DOK5: variants seen among roughly 807,000 people sequenced by gnomAD.
DOK5 encodes downstream of tyrosine kinase 5.
DOK5 carries 27 observed loss-of-function variants against 43.3 expected under a neutral mutation model. That is an observed-to-expected ratio of 0.62 (90% CI 0.46 to 0.86). DOK5 has a LOEUF of 0.86. Among genes scored for constraint, DOK5 ranks in the 40% least tolerant of loss-of-function variants. The pLI, the probability that DOK5 is intolerant of heterozygous loss-of-function variation, is 0.00. For missense variants in DOK5, 373 were observed against 392.9 expected, an observed-to-expected ratio of 0.95 and a Z score of 0.43; for synonymous variants, 146 against 140.1, an observed-to-expected ratio of 1.04 and a Z score of -0.30.
intron 1 of DOK5, among the ~76,000 whole-genome samples, chr20:54,484,283 G>A (rs1981838817): frequency 6.6e-6 from 1 of 151,958 alleles, no homozygotes; most frequent in Non-Finnish European, 1.5e-5. Context: ...GGGGGCCGAG[G>A]CAGGAGAATC....
chr20:54,621,705 C>T (rs1336421176), intron 6 of DOK5, among the ~76,000 whole-genome samples: 4 of 151,300 alleles, frequency 2.6e-5, no homozygotes, highest in Non-Finnish European at 5.9e-5. Flanking sequence ...AAAAAAATCA[C>T]GATTAAAGAT....
intron 1 of DOK5, among the ~76,000 whole-genome samples, chr20:54,486,970 T>A (rs1454686178): frequency 6.6e-6 from 1 of 152,176 alleles, no homozygotes; most frequent in Non-Finnish European, 1.5e-5. Flanking sequence ...AAGGTTGCAT[T>A]CTATCTTCCT....
At chr20:54,529,204 G>A (rs1401523419) in intron 1 of DOK5, among the ~76,000 whole-genome samples, 1 of 152,166 alleles carries the variant, frequency 6.6e-6, no homozygotes, top group Non-Finnish European at 1.5e-5. Flanking sequence ...GGGTGTTAAG[G>A]AAGATAGACA....
intron 5 of DOK5, among the ~76,000 whole-genome samples, chr20:54,605,050 T>TAC (rs1188475504): frequency 7.5e-6 from 1 of 133,226 alleles, no homozygotes; most frequent in South Asian, 2.2e-4. Context: ...CACACACGTA[T>TAC]ACACACACAC....
chr20:54,643,544 G>A lies in DOK5; in HGVS notation c.822G>A (p.Arg274=). 1 of 1,613,330 alleles carries A rather than the reference G, an allele frequency of 6.2e-7. No homozygotes were observed. The highest frequency in any genetic ancestry group is 8.5e-7 in the Non-Finnish European group (1 of 1,180,024). Residue 274 remains arginine (R), a synonymous_variant, in exon 7 of 8, where the codon CGG becomes CGA. Coordinates refer to ENST00000262593, the MANE Select transcript of DOK5 (RefSeq NM_018431.5). ...PRSAYWQHIT[R]QHSTGQLYRL... ...GCGCCTACTGGCAGCACATCACACG[G>A]CAGCACAGCACGGGACAGCTCTACC... is the stretch of plus-strand genomic sequence containing the variant.
At chr20:54,637,650 A>G (rs1384985145) in intron 6 of DOK5, among the ~76,000 whole-genome samples, 1 of 152,270 alleles carries the variant, frequency 6.6e-6, no homozygotes, top group Non-Finnish European at 1.5e-5. Flanking sequence ...GCATGAATTC[A>G]GCCTTGGGCT....
At chr20:54,600,944 A>G (rs1016443061) in intron 5 of DOK5, among the ~76,000 whole-genome samples, 1 of 152,210 alleles carries the variant, frequency 6.6e-6, no homozygotes, top group Non-Finnish European at 1.5e-5. Flanking sequence ...TCAGGCTAAA[A>G]CCAGTTACGG....
intron 1 of DOK5, among the ~76,000 whole-genome samples, chr20:54,531,049 A>G (rs967477233): frequency 7.2e-5 from 11 of 152,152 alleles, no homozygotes; most frequent in African/African-American, 2.7e-4. Context: ...GACCAATTAT[A>G]AAGAATAGTT....
intron 5 of DOK5, among the ~76,000 whole-genome samples, chr20:54,602,230 C>G (rs1986320175): frequency 6.6e-6 from 1 of 152,216 alleles, no homozygotes; most frequent in Non-Finnish European, 1.5e-5. Context: ...AATGCAATCT[C>G]TCACCATTCT....
At chr20:54,508,880 A>G (rs1313123485) in intron 1 of DOK5, among the ~76,000 whole-genome samples, 2 of 136,918 alleles carry the variant, frequency 1.5e-5, no homozygotes, top group African/African-American at 5.5e-5. Flanking sequence ...GTGCCCAGCT[A>G]TTTATTTATT....
chr20:54,596,327 C>T (rs1024607561), intron 5 of DOK5, among the ~76,000 whole-genome samples: 1 of 152,204 alleles, frequency 6.6e-6, no homozygotes, highest in Non-Finnish European at 1.5e-5. Flanking sequence ...AGTTGTCTGT[C>T]TAAGCAAGTA....
chr20:54,601,324 A>T (rs1010725980), intron 5 of DOK5, among the ~76,000 whole-genome samples: 1 of 152,256 alleles, frequency 6.6e-6, no homozygotes, highest in Non-Finnish European at 1.5e-5. Context: ...TGCTAATTCC[A>T]ACCCATTTCT....
At chr20:54,570,774 TC>T (rs1985257774) in intron 2 of DOK5, among the ~76,000 whole-genome samples, 1 of 152,188 alleles carries the variant, frequency 6.6e-6, no homozygotes, top group Admixed American at 6.5e-5. Flanking sequence ...CCTTTAAAAA[TC>T]CCATTGTAGT....
intron 1 of DOK5, among the ~76,000 whole-genome samples, chr20:54,544,845 A>G (rs752489347): frequency 1.1e-4 from 16 of 152,190 alleles, no homozygotes; most frequent in Non-Finnish European, 1.6e-4. Flanking sequence ...AAGACAACTC[A>G]AAAGGCCAAT....
intron 1 of DOK5, among the ~76,000 whole-genome samples, chr20:54,516,187 G>A (rs530093221): frequency 1.3e-5 from 2 of 152,240 alleles, no homozygotes; most frequent in South Asian, 2.1e-4. Context: ...CAGTTATAGT[G>A]GGAAGAGAAA....
At chr20:54,518,860 A>C (rs1983293490) in intron 1 of DOK5, among the ~76,000 whole-genome samples, 1 of 152,238 alleles carries the variant, frequency 6.6e-6, no homozygotes, top group Non-Finnish European at 1.5e-5. Flanking sequence ...ATTTACAAGA[A>C]AAAACAAACA....
intron 1 of DOK5, among the ~76,000 whole-genome samples, chr20:54,505,558 C>A (rs1982773023): frequency 6.6e-6 from 1 of 151,078 alleles, no homozygotes; most frequent in East Asian, 1.9e-4. Flanking sequence ...AGGAGGGAAA[C>A]AGATAATAAA....
At chr20:54,538,938 A>T (rs1157433639) in intron 1 of DOK5, among the ~76,000 whole-genome samples, 1 of 152,196 alleles carries the variant, frequency 6.6e-6, no homozygotes, top group Non-Finnish European at 1.5e-5. Flanking sequence ...AAAAGGTTAC[A>T]TACTGTATGA....
intron 2 of DOK5, among the ~76,000 whole-genome samples, chr20:54,561,755 A>C (rs190280669): frequency 2.0e-5 from 3 of 152,358 alleles, no homozygotes; most frequent in Non-Finnish European, 2.9e-5. Flanking sequence ...TCCCAGGTTC[A>C]AGCGATTCTC....
Sources: allele counts gnomAD v4.1 joint callset (sites outside exome capture counted in the v4.1 genomes callset), GRCh38; gene constraint gnomAD v4.1.1; transcripts MANE v1.5; gene names NCBI Gene and HGNC (gene_info 2026-07-23, HGNC 2026-07-21).